FLRT2: variants seen among roughly 807,000 people sequenced by gnomAD.
FLRT2 encodes the protein fibronectin leucine rich transmembrane protein 2.
Under a neutral mutation model 40.0 loss-of-function variants are expected in FLRT2, and 15 were observed. The observed-to-expected ratio is 0.38, with a 90% CI of 0.25 to 0.58. The LOEUF (loss-of-function observed/expected upper bound fraction) is 0.58, where lower values mean the gene tolerates loss of function less well. Among genes scored for constraint, FLRT2 ranks in the 20% least tolerant of loss-of-function variants. The pLI, the probability that FLRT2 is intolerant of heterozygous loss-of-function variation, is 0.71. For synonymous variants in FLRT2, 380 were observed against 336.8 expected (o/e 1.13, Z -1.41); for missense variants, 726 against 840.0 (o/e 0.86, Z 1.68).
intron 1 of FLRT2, among the ~76,000 whole-genome samples, chr14:85,564,973 A>G (rs549492524): frequency 1.3e-5 from 2 of 152,334 alleles, no homozygotes; most frequent in African/African-American, 4.8e-5. Context: ...TGATAGCAAG[A>G]AAAGAGCAAC....
intron 1 of FLRT2, among the ~76,000 whole-genome samples, chr14:85,592,015 T>C (rs76146565): frequency 0.012 from 1,840 of 152,268 alleles, 39 homozygotes; most frequent in African/African-American, 0.041. Context: ...CTCCATGAAG[T>C]TGAAATTAAC....
chr14:85,570,561 T>TTTATTTTA (rs541176244), intron 1 of FLRT2, among the ~76,000 whole-genome samples: 9 of 139,246 alleles, frequency 6.5e-5, no homozygotes, highest in Non-Finnish European at 9.2e-5. Context: ...TTTTTATTTA[T>TTTATTTTA]TTTATTTATT....
At chr14:85,603,034 C>G (rs887200237) in intron 1 of FLRT2, among the ~76,000 whole-genome samples, 3 of 152,128 alleles carry the variant, frequency 2.0e-5, no homozygotes, top group South Asian at 2.1e-4. Context: ...CTCTTCAAAT[C>G]TTTCAAATAT....
At chr14:85,609,503 T>A (rs563199571) in intron 1 of FLRT2, among the ~76,000 whole-genome samples, 3 of 152,348 alleles carry the variant, frequency 2.0e-5, no homozygotes, top group African/African-American at 7.2e-5. Flanking sequence ...CAAAGGTAGT[T>A]AATGGAGGTG....
intron 1 of FLRT2, among the ~76,000 whole-genome samples, chr14:85,609,021 G>T (rs1892747717): frequency 6.6e-6 from 1 of 152,178 alleles, no homozygotes; most frequent in Non-Finnish European, 1.5e-5. Context: ...ACAGAAAGTG[G>T]CAGTGCAGGG....
At chr14:85,589,797 G>A (rs912954629) in intron 1 of FLRT2, among the ~76,000 whole-genome samples, 1 of 152,112 alleles carries the variant, frequency 6.6e-6, no homozygotes, top group South Asian at 2.1e-4. Flanking sequence ...TATGGCAAGG[G>A]ATACAGGTCT....
In FLRT2 at chr14:85,630,294, T is replaced by TTC. The variant is rs1893834118; in HGVS notation, c.*6798_*6799insCT. 1 of 148,454 alleles carries TTC rather than the reference T, an allele frequency of 6.7e-6. No individual in the cohort carries two copies. The highest frequency in any genetic ancestry group is 1.5e-5 in the Non-Finnish European group (1 of 67,176). 9.2% of individuals were successfully genotyped at this position (148,454 alleles called of 1,614,324 possible). On this transcript the variant is annotated 3_prime_UTR_variant, in exon 2 of 2. Coordinates refer to ENST00000330753, the MANE Select transcript of FLRT2 (RefSeq NM_013231.6). ...GGGTGATCATATCTGTCTTTTTTTT[T>TTC]TTTTTTTTTTTTTGGTATGAAGTCT...
rs568680919 is a variant in FLRT2, at chr14:85,635,534, T to C, written c.*12037T>C. The C allele has an allele frequency of 3.9e-5, 6 of 152,192 alleles. No individual in the cohort carries two copies. The East Asian group carries it at 9.6e-4, about 24-fold the overall frequency. The allele number at this position is 152,192 out of a possible 1,614,324, so 9.4% of individuals were successfully genotyped here. A position where few individuals can be genotyped will look rare whatever the true frequency, so the allele number is the denominator to read the frequency against. On this transcript the variant is annotated 3_prime_UTR_variant, in exon 2 of 2. Transcript: ENST00000330753. ...ATTGTTTATTAAAATATTAAATATT[T>C]TATGTTTTCAAGCCATTATATAACA...
rs1555366645 is a variant in FLRT2, at chr14:85,566,560, T to TGTGTGTGTGC, written c.-377+36035_-377+36036insCGTGTGTGTG. Among the ~76,000 whole-genome samples, 496 of 151,262 alleles carry TGTGTGTGTGC rather than the reference T, an allele frequency of 3.3e-3. 4 individuals are homozygous for TGTGTGTGTGC. Among genetic ancestry groups the TGTGTGTGTGC allele is most frequent in the African/African-American group, 0.011 (470 of 41,260 alleles). ...CTTAACTTCCATGGTTGTGTGTGTG[T>TGTGTGTGTGC]GTGTGTGTGTGTGTGTGCAAGATAG... On this transcript the variant is annotated intron_variant, in intron 1 of 1. Transcript: ENST00000330753.
At chr14:85,578,947 A>T (rs10483979) in intron 1 of FLRT2, among the ~76,000 whole-genome samples, 27,036 of 152,130 alleles carry the variant, frequency 0.18, 2,884 homozygotes, top group South Asian at 0.26. Flanking sequence ...CAGCAGAAAC[A>T]CATCTCTCCC....
rs553967756 is a variant in FLRT2 at position 85,644,298 on chromosome 14, C to T, written c.*20801C>T. The T allele has an allele frequency of 6.6e-6, 1 of 152,288 alleles. No individual in the cohort carries two copies. Among genetic ancestry groups the T allele is most frequent in the East Asian group, 1.9e-4 (1 of 5,180 alleles). The allele number at this position is 152,288 out of a possible 1,614,324, so 9.4% of individuals were successfully genotyped here. On this transcript the variant is annotated 3_prime_UTR_variant, in exon 2 of 2. Coordinates refer to ENST00000330753, the MANE Select transcript of FLRT2 (RefSeq NM_013231.6). ...GCTATGGCATCTCCAATGCAACTGT[C>T]AATTTAGAAATTTCTTTCTTTTTAT...
chr14:85,531,773 G>C (rs1190753288), intron 1 of FLRT2, among the ~76,000 whole-genome samples: 5 of 152,174 alleles, frequency 3.3e-5, no homozygotes, highest in Non-Finnish European at 5.9e-5. Context: ...GAGAAGATGG[G>C]CTATGTAAAT....
intron 1 of FLRT2, among the ~76,000 whole-genome samples, chr14:85,558,715 G>A (rs1890130425): frequency 6.6e-6 from 1 of 152,192 alleles, no homozygotes; most frequent in South Asian, 2.1e-4. Context: ...CATCACAGCA[G>A]CATTGAGGTA....
At chr14:85,596,872 T>C (rs1055116042) in intron 1 of FLRT2, among the ~76,000 whole-genome samples, 2 of 152,304 alleles carry the variant, frequency 1.3e-5, no homozygotes, top group African/African-American at 2.4e-5. Flanking sequence ...CCTTAACGAT[T>C]TGATTCTCAG....
In FLRT2 at chr14:85,636,730, A is replaced by G. The variant is rs1253905061; in HGVS notation, c.*13233A>G. The G allele has an allele frequency of 2.0e-5, 3 of 151,896 alleles. No homozygotes were observed. The highest frequency in any genetic ancestry group is 7.3e-5 in the African/African-American group (3 of 41,348). 9.4% of individuals were successfully genotyped at this position (151,896 alleles called of 1,614,324 possible). The stretch of plus-strand genomic sequence containing the variant: ...ATTTATTTGAGGTCAGGAGTTTGAG[A>G]CTAGCTTGGCCAACATGGTGAAAGC... On this transcript the variant is annotated 3_prime_UTR_variant, in exon 2 of 2. Transcript: ENST00000330753.
At position 85,635,126 on chromosome 14, in the gene FLRT2, G is replaced by A. The variant is rs192627675; in HGVS notation, c.*11629G>A. 1.7e-4 allele frequency: 26 copies of A among 152,166 alleles called. No homozygotes were observed. The highest frequency in any genetic ancestry group is 4.8e-4 in the African/African-American group (20 of 41,532). The allele number at this position is 152,166 out of a possible 1,614,324, so 9.4% of individuals were successfully genotyped here. ...TAATAACCTTAAACTTGATATGTTA[G>A]GGAAGCAACCTGCATAACCATTAAA... On this transcript the variant is annotated 3_prime_UTR_variant, in exon 2 of 2. Transcript: ENST00000330753.
intron 1 of FLRT2, among the ~76,000 whole-genome samples, chr14:85,590,994 G>C (rs1891858340): frequency 6.6e-6 from 1 of 151,456 alleles, no homozygotes; most frequent in Non-Finnish European, 1.5e-5. Flanking sequence ...GTGTGGCCTT[G>C]AGTGAGTCAC....
rs199539989 is a variant in FLRT2, at chr14:85,621,699, C to T, written c.185C>T (p.Pro62Leu). ...TTGACCTCAGTGCCTCTTGGGATCC[C>T]GGAGGGCGTAACTGTACTCTACCTC... ...RSLTSVPLGI[P>L]EGVTVLYLHN... The change falls in exon 2 of 2, where the codon CCG becomes CTG. Residue 62 changes from proline (P) to leucine (L), a missense_variant. Pro to Leu is a moderately conservative substitution (Grantham distance 98). This residue lies in a region of FLRT2 where 106 missense variants were observed against 121.2 expected (regional missense o/e 0.87). Transcript: ENST00000330753. 114 of 1,614,060 alleles carry T rather than the reference C, an allele frequency of 7.1e-5. No individual in the cohort carries two copies. Among genetic ancestry groups the T allele is most frequent in the South Asian group, 7.7e-5 (7 of 91,074 alleles).
chr14:85,591,387 C>T (rs578130353), intron 1 of FLRT2, among the ~76,000 whole-genome samples: 35 of 152,134 alleles, frequency 2.3e-4, no homozygotes, highest in Non-Finnish European at 3.8e-4. Context: ...AATGAAAGCA[C>T]GCATCAGTAG....
Sources: gnomAD v4.1 joint callset for allele counts (sites outside exome capture counted in the v4.1 genomes callset) on GRCh38, gnomAD v4.1.1 for gene constraint, gnomAD v4.1.1 regional missense constraint, MANE v1.5 for transcripts, NCBI Gene and HGNC (gene_info 2026-07-23, HGNC 2026-07-21) for gene names.